Variants in GMFB observed in about 807,000 individuals in gnomAD.
The protein encoded by GMFB is glia maturation factor beta.
GMFB carries 13 observed loss-of-function variants against 25.6 expected under a neutral mutation model. The observed-to-expected ratio is 0.51, with a 90% CI of 0.33 to 0.81. GMFB has a LOEUF of 0.81. Ranked by LOEUF, GMFB falls within the 30% of genes least tolerant of loss-of-function variation. The pLI, the probability that GMFB is intolerant of heterozygous loss-of-function variation, is 0.02. For synonymous variants in GMFB, 57 were observed against 56.9 expected, an observed-to-expected ratio of 1.00 and a Z score of 0.00; for missense variants, 146 against 175.4, an observed-to-expected ratio of 0.83 and a Z score of 0.95.
Position 54,474,890 on chromosome 14 carries a change from T to C in GMFB, c.*3198A>G, listed in dbSNP as rs1566495589. Reference sequence around the variant, plus strand: ...ACAAATTTCTCAAGAATATTCAGCTTGGGAGCATTGGTTTTAAGCGGTCTA... The same window carrying C: ...ACAAATTTCTCAAGAATATTCAGCTCGGGAGCATTGGTTTTAAGCGGTCTA... On this transcript the variant is annotated 3_prime_UTR_variant, in exon 7 of 7. Transcript: ENST00000358056. 1.3e-5 allele frequency: 2 copies of C among 152,640 alleles called. No homozygotes were observed. Among genetic ancestry groups the C allele is most frequent in the Non-Finnish European group, 2.9e-5 (2 of 68,000 alleles). The allele number at this position is 152,640 out of a possible 1,614,324, so 9.5% of individuals were successfully genotyped here.
At chr14:54,483,035 C>G (rs1002264940) in intron 2 of GMFB, 2 of 152,192 alleles carry the variant, frequency 1.3e-5, no homozygotes, top group Admixed American at 1.3e-4. Flanking sequence ...TAAGCATGGT[C>G]TCTAGAGTTT....
Position 54,486,080 on chromosome 14 carries a change from T to C in GMFB, c.4-2313A>G, listed in dbSNP as rs550014504. Among the ~76,000 whole-genome samples, 13 of 152,070 alleles carry C rather than the reference T, an allele frequency of 8.5e-5. 1 individual carries two copies. In the South Asian group the frequency reaches 2.7e-3, roughly 32 times the overall value. Reference sequence around the variant, plus strand: ...GCCTGGCTAACATGGTGAAACCCCGTCTCTACTAAAAATACAAAAATTAGC... The same window carrying C: ...GCCTGGCTAACATGGTGAAACCCCGCCTCTACTAAAAATACAAAAATTAGC... On this transcript the variant is annotated intron_variant, in intron 1 of 6. Coordinates refer to ENST00000358056, the MANE Select transcript of GMFB (RefSeq NM_004124.3).
At position 54,475,818 on chromosome 14, in the gene GMFB, A is replaced by C. The variant is rs1420627799; in HGVS notation, c.*2270T>G. On this transcript the variant is annotated 3_prime_UTR_variant, in exon 7 of 7. Coordinates refer to ENST00000358056, the MANE Select transcript of GMFB (RefSeq NM_004124.3). ...AAAAAGTTGCTGCTAAAAAGGACTC[A>C]GATTTAAGGCTGAATGGGAATGGTT... is the stretch of plus-strand genomic sequence containing the variant. The C allele has an allele frequency of 6.6e-6, 1 of 152,414 alleles. No individual in the cohort carries two copies. The highest frequency in any genetic ancestry group is 1.5e-5 in the Non-Finnish European group (1 of 67,962). 9.4% of individuals were successfully genotyped at this position (152,414 alleles called of 1,614,324 possible). A position where few individuals can be genotyped will look rare whatever the true frequency, so the allele number is the denominator to read the frequency against.
At position 54,480,867 on chromosome 14, in the gene GMFB, C is replaced by G. The variant is rs1284323027; in HGVS notation, c.283+7G>C. ...CAAATATGTGTTATTTAAAGAAATT[C>G]ACTTACCAACAGGACTGGAGAAAAT... On this transcript the variant is annotated splice_region_variant and intron_variant, in intron 5 of 6. Coordinates refer to ENST00000358056, the MANE Select transcript of GMFB (RefSeq NM_004124.3). 7.2e-7 allele frequency: 1 copy of G among 1,394,608 alleles called. No homozygotes were observed. The highest frequency in any genetic ancestry group is 1.0e-6 in the Non-Finnish European group (1 of 995,280). 86.4% of individuals were successfully genotyped at this position (1,394,608 alleles called of 1,614,324 possible). A position where few individuals can be genotyped will look rare whatever the true frequency, so the allele number is the denominator to read the frequency against.
intron 1 of GMFB, among the ~76,000 whole-genome samples, chr14:54,487,708 C>T (rs1262618375): frequency 2.6e-5 from 4 of 151,954 alleles, no homozygotes; most frequent in Non-Finnish European, 4.4e-5. Context: ...AGTGAAACTC[C>T]GACTCAAAGA....
At chr14:54,484,178 CTTAGAA>C in intron 1 of GMFB, 1 of 194,922 alleles carries the variant, frequency 5.1e-6, no homozygotes, top group South Asian at 7.7e-5. Context: ...TCTGATTATA[CTTAGAA>C]TTAATAAATT....
intron 2 of GMFB, among the ~76,000 whole-genome samples, chr14:54,482,885 ACACACATTTT>A (rs1415582603): frequency 6.6e-6 from 1 of 151,820 alleles, no homozygotes; most frequent in African/African-American, 2.4e-5. Flanking sequence ...AATGGCACTA[ACACACATTTT>A]CACTTTTATT....
intron 5 of GMFB, chr14:54,480,406 T>C (rs886084004): frequency 1.9e-5 from 3 of 157,482 alleles, no homozygotes; most frequent in African/African-American, 7.2e-5. Flanking sequence ...GTTCTGGTGA[T>C]AATGAATTCC....
chr14:54,481,566 CTACAAAATAAAATTTTATCT>C (rs2031711938), intron 3 of GMFB, 108 bp from the exon 4 acceptor site: 2 of 690,880 alleles, frequency 2.9e-6, no homozygotes, highest in East Asian at 2.7e-5. Context: ...TTACCACATG[CTACAAAATAAAATTTTATCT>C]TACTAAATTA....
intron 1 of GMFB, among the ~76,000 whole-genome samples, chr14:54,486,541 T>C (rs1471769159): frequency 6.6e-6 from 1 of 151,968 alleles, no homozygotes; most frequent in East Asian, 1.9e-4. Flanking sequence ...TGGGAGAAAA[T>C]ATCTGCAAAT....
At chr14:54,483,993 T>G in intron 1 of GMFB, 1 of 631,030 alleles carries the variant, frequency 1.6e-6, no homozygotes, top group Non-Finnish European at 2.9e-6. Flanking sequence ...AAGGTATATT[T>G]TAACTTTCTC....
chr14:54,484,421 T>C (rs1333889089), intron 1 of GMFB, among the ~76,000 whole-genome samples: 1 of 151,912 alleles, frequency 6.6e-6, no homozygotes, highest in African/African-American at 2.4e-5. Context: ...TTATGAACAC[T>C]ATAACAAAAT....
At position 54,475,294 on chromosome 14, in the gene GMFB, A is replaced by G. The variant is rs2031623001; in HGVS notation, c.*2794T>C. 6.6e-6 allele frequency: 1 copy of G among 152,572 alleles called. No homozygotes were observed. The highest frequency in any genetic ancestry group is 1.5e-5 in the Non-Finnish European group (1 of 67,972). 9.5% of individuals were successfully genotyped at this position (152,572 alleles called of 1,614,324 possible). A position where few individuals can be genotyped will look rare whatever the true frequency, so the allele number is the denominator to read the frequency against. On this transcript the variant is annotated 3_prime_UTR_variant, in exon 7 of 7. Transcript: ENST00000358056. ...TAAACTCCCCTAACTGGAAATTTTTAGCTAAAGTGTCAGACAAGGATACAG... is the reference window on the plus strand; with the variant it reads ...TAAACTCCCCTAACTGGAAATTTTTGGCTAAAGTGTCAGACAAGGATACAG...
In GMFB at chr14:54,476,249, T is replaced by C. The variant is rs2031639047; in HGVS notation, c.*1839A>G. On this transcript the variant is annotated 3_prime_UTR_variant, in exon 7 of 7. Coordinates refer to ENST00000358056, the MANE Select transcript of GMFB (RefSeq NM_004124.3). ...TATGGAGGACCTCCAAATTTAAAAA[T>C]AAGCAAAACTAAAACATGCAAGACA... The C allele has an allele frequency of 6.6e-6, 1 of 151,968 alleles. No homozygotes were observed. Among genetic ancestry groups the C allele is most frequent in the Admixed American group, 6.6e-5 (1 of 15,262 alleles). 9.4% of individuals were successfully genotyped at this position (151,968 alleles called of 1,614,324 possible).
Position 54,477,091 on chromosome 14 carries a change from A to G in GMFB, c.*997T>C, listed in dbSNP as rs1348149462. The stretch of plus-strand genomic sequence containing the variant: ...ACTAACCACAAGTATACCCAAAATT[A>G]TAACTCTCGACTGCCATATATTCAC... On this transcript the variant is annotated 3_prime_UTR_variant, in exon 7 of 7. Transcript: ENST00000358056. 6.6e-6 allele frequency: 1 copy of G among 152,308 alleles called. No homozygotes were observed. The highest frequency in any genetic ancestry group is 1.5e-5 in the Non-Finnish European group (1 of 67,920). The allele number at this position is 152,308 out of a possible 1,614,324, so 9.4% of individuals were successfully genotyped here.
intron 1 of GMFB, among the ~76,000 whole-genome samples, chr14:54,485,990 G>A (rs946538171): frequency 2.0e-5 from 3 of 152,168 alleles, no homozygotes; most frequent in African/African-American, 4.8e-5. Flanking sequence ...AGTGGCTCAC[G>A]CCTGTAATCC....
chr14:54,481,240 C>A, intron 4 of GMFB, 169 bp downstream of exon 4: 1 of 581,652 alleles, frequency 1.7e-6, no homozygotes, highest in Non-Finnish European at 3.1e-6. Flanking sequence ...TTATTCATCC[C>A]ACGAATAAAC....
chr14:54,488,794 G>A, intron 1 of GMFB, 131 bp downstream of exon 1: 2 of 655,830 alleles, frequency 3.0e-6, no homozygotes, highest in South Asian at 4.4e-5. Context: ...GCACTGGCCA[G>A]CTGCTGGGAG....
intron 1 of GMFB, 123 bp downstream of exon 1, chr14:54,488,802 G>A (rs1479285990): frequency 8.6e-6 from 6 of 694,704 alleles, no homozygotes; most frequent in Non-Finnish European, 1.3e-5. Flanking sequence ...CAGCTGCTGG[G>A]AGCGGAAGCG....
Sources: gnomAD v4.1 joint callset for allele counts (sites outside exome capture counted in the v4.1 genomes callset) on GRCh38, gnomAD v4.1.1 for gene constraint, MANE v1.5 for transcripts, NCBI Gene and HGNC (gene_info 2026-07-23, HGNC 2026-07-21) for gene names.